The following NEK9 variants were observed in gnomAD, a reference collection of about 807,000 sequenced individuals.
NEK9 encodes NIMA related kinase 9, also known as serine/threonine-protein kinase Nek9.
In NEK9, 75 loss-of-function variants were observed where a neutral mutation model predicts 123.4. The ratio of observed to expected loss-of-function variants is 0.61; its 90% confidence interval spans 0.50 to 0.74. The LOEUF (loss-of-function observed/expected upper bound fraction) is 0.74, where lower values mean the gene tolerates loss of function less well. Ranked by LOEUF, NEK9 falls within the 30% of genes least tolerant of loss-of-function variation. NEK9 has a pLI of 0.00. For missense variants in NEK9, 952 were observed against 1,214.4 expected, an observed-to-expected ratio of 0.78 and a Z score of 3.21; for synonymous variants, 438 against 458.7, an observed-to-expected ratio of 0.95 and a Z score of 0.58.
At chr14:75,105,699 C>T (rs1894747953) in intron 13 of NEK9, among the ~76,000 whole-genome samples, 1 of 152,212 alleles carries the variant, frequency 6.6e-6, no homozygotes. Context: ...CTGATTTTAG[C>T]TGTCATCCCT....
chr14:75,126,300 A>G (rs532056944), intron 1 of NEK9, among the ~76,000 whole-genome samples: 3 of 152,276 alleles, frequency 2.0e-5, no homozygotes, highest in African/African-American at 7.2e-5. Flanking sequence ...ACCTTGGAGA[A>G]CTATATATAC....
At chr14:75,091,571 A>G in intron 18 of NEK9, 93 bp from the exon 19 acceptor site, 1 of 1,117,506 alleles carries the variant, frequency 8.9e-7, no homozygotes, top group East Asian at 2.9e-5. Context: ...AAAGGTGCCT[A>G]TAAGCTGCAT....
chr14:75,121,080 A>G (rs1326925179), intron 3 of NEK9, 39 bp downstream of exon 3: 1 of 1,479,998 alleles, frequency 6.8e-7, no homozygotes, highest in Admixed American at 1.7e-5. Flanking sequence ...GAATTACAAC[A>G]CTACAATTCT....
chr14:75,094,853 T>C (rs1894329101), intron 18 of NEK9, among the ~76,000 whole-genome samples: 1 of 152,030 alleles, frequency 6.6e-6, no homozygotes, highest in Non-Finnish European at 1.5e-5. Context: ...CTCTAGCAGG[T>C]AGAAAACCAA....
chr14:75,106,769 C>T, intron 11 of NEK9, 67 bp from the exon 12 acceptor site: 3 of 1,352,568 alleles, frequency 2.2e-6, no homozygotes, highest in Non-Finnish European at 2.1e-6. Flanking sequence ...GAAAGTTGGG[C>T]AGGGCTGGAA....
intron 12 of NEK9, 105 bp downstream of exon 12, chr14:75,106,397 T>C (rs1352424354): frequency 2.4e-6 from 2 of 817,230 alleles, no homozygotes; most frequent in Admixed American, 4.1e-5. Context: ...ATTTACTGAA[T>C]TAACACTTCT....
In NEK9 at chr14:75,127,004, G is replaced by C; in HGVS notation, c.-83C>G. 2.5e-6 allele frequency: 3 copies of C among 1,186,530 alleles called. No individual in the cohort carries two copies. Among genetic ancestry groups the C allele is most frequent in the Non-Finnish European group, 3.4e-6 (3 of 885,748 alleles). The allele number at this position is 1,186,530 out of a possible 1,614,324, so 73.5% of individuals were successfully genotyped here. ...CTGCGTCCCGCTCGCTTCAGATGCC[G>C]GCCCGCGGATCCGTCAGCCCAGCAA... is the stretch of plus-strand genomic sequence containing the variant. On this transcript the variant is annotated 5_prime_UTR_variant, in exon 1 of 22. Coordinates refer to ENST00000238616, the MANE Select transcript of NEK9 (RefSeq NM_033116.6).
chr14:75,124,179 C>A lies in NEK9; in HGVS notation c.264G>T (p.Leu88=), dbSNP rs562180803. The A allele has an allele frequency of 1.9e-6, 3 of 1,614,082 alleles. No individual in the cohort carries two copies. The highest frequency in any genetic ancestry group is 2.5e-6 in the Non-Finnish European group (3 of 1,179,964). ...AGGCATCACGACGTTCCTTCTCAGA[C>A]AGCCGGGTCAAATCGACTTCCTTCC... ...VVWKEVDLTR[L]SEKERRDALN... is the part of the protein sequence containing the mutation. The change falls in exon 2 of 22, where the codon CTG becomes CTT. Residue 88 remains leucine (L), a synonymous_variant. Coordinates refer to ENST00000238616, the MANE Select transcript of NEK9 (RefSeq NM_033116.6).
At chr14:75,121,089 CT>C in intron 3 of NEK9, 29 bp downstream of exon 3, 2 of 1,562,028 alleles carry the variant, frequency 1.3e-6, no homozygotes. Context: ...CACTACAATT[CT>C]AACTTCCTTC....
At chr14:75,123,610 T>C (rs949745924) in intron 2 of NEK9, among the ~76,000 whole-genome samples, 16 of 152,176 alleles carry the variant, frequency 1.1e-4, no homozygotes, top group East Asian at 1.9e-4. Flanking sequence ...CTTTACTATA[T>C]ATTACTTTCA....
Position 75,084,590 on chromosome 14 carries a change from T to C in NEK9, c.2914A>G (p.Thr972Ala), listed in dbSNP as rs772223303. ...LDSDSWCLLG[T>A]DSCRPSL ...TAGAGGCTGGGTCTACAGGAGTCTGTTCCCAGGAGGCACCAGGAATCTGAA... is the reference window on the plus strand; with the variant it reads ...TAGAGGCTGGGTCTACAGGAGTCTGCTCCCAGGAGGCACCAGGAATCTGAA... Residue 972 changes from threonine (T) to alanine (A), a missense_variant, in exon 22 of 22, where the codon ACA becomes GCA. Physicochemically the swap from Thr to Ala is moderately conservative, Grantham distance 58. Transcript: ENST00000238616. The C allele has an allele frequency of 3.7e-6, 6 of 1,614,060 alleles. No homozygotes were observed. In the African/African-American group the frequency reaches 8.0e-5, roughly 22 times the overall value.
chr14:75,090,321 C>G (rs1407510452), intron 19 of NEK9, among the ~76,000 whole-genome samples: 1 of 150,598 alleles, frequency 6.6e-6, no homozygotes, highest in Admixed American at 6.6e-5. Context: ...TTTCACAAAC[C>G]ATAAATATTT....
intron 9 of NEK9, 44 bp downstream of exon 9, chr14:75,110,277 G>A: frequency 1.4e-6 from 2 of 1,470,720 alleles, no homozygotes; most frequent in Non-Finnish European, 1.9e-6. Context: ...CCCCCTGGTT[G>A]TAATTTCGGA....
In NEK9 at chr14:75,104,923, A is replaced by G. The variant is rs570408836; in HGVS notation, c.1576-926T>C. ...CTTAGGGTGACCTGTCAAAAAGTTGAGAAAGAAGCTTCAATTCATTGCTGA... is the reference window on the plus strand; with the variant it reads ...CTTAGGGTGACCTGTCAAAAAGTTGGGAAAGAAGCTTCAATTCATTGCTGA... On this transcript the variant is annotated intron_variant, in intron 13 of 21. Transcript: ENST00000238616. Among the ~76,000 whole-genome samples, 21 of 152,364 alleles carry G rather than the reference A, an allele frequency of 1.4e-4. No individual in the cohort carries two copies. The East Asian group carries it at 2.7e-3, about 20-fold the overall frequency.
intron 18 of NEK9, 43 bp from the exon 19 acceptor site, chr14:75,091,521 G>C (rs1040563524): frequency 4.1e-6 from 6 of 1,447,884 alleles, no homozygotes; most frequent in East Asian, 2.5e-5. Context: ...TTGCTATGCA[G>C]CAAGACAGAT....
intron 10 of NEK9, among the ~76,000 whole-genome samples, chr14:75,108,209 C>T (rs1237454468): frequency 6.6e-6 from 1 of 151,642 alleles, no homozygotes; most frequent in Non-Finnish European, 1.5e-5. Context: ...ACTGCAAGCT[C>T]TGCCTCCTGG....
At chr14:75,096,135 T>A (rs1488832343) in intron 17 of NEK9, among the ~76,000 whole-genome samples, 1 of 151,680 alleles carries the variant, frequency 6.6e-6, no homozygotes, top group Non-Finnish European at 1.5e-5. Flanking sequence ...ATCCAAAAAT[T>A]AGCCAGGTGT....
At chr14:75,098,412 A>G (rs968940586) in intron 16 of NEK9, among the ~76,000 whole-genome samples, 6 of 152,210 alleles carry the variant, frequency 3.9e-5, no homozygotes. Flanking sequence ...ACTGGGTTAT[A>G]TGGCCCACCC....
rs942778551 is a variant in NEK9 at position 75,081,715 on chromosome 14, T to C, written c.*2849A>G. ...GAGAAGTTGTAACTTGGCTGTGCTA[T>C]GCCAGGGAGACCAAATTCAGTTCAA... On this transcript the variant is annotated 3_prime_UTR_variant, in exon 22 of 22. Coordinates refer to ENST00000238616, the MANE Select transcript of NEK9 (RefSeq NM_033116.6). The surrounding 1 kb of genome is among the most constrained non-coding windows in gnomAD (Gnocchi z 4.2). 1 of 152,214 alleles carries C rather than the reference T, an allele frequency of 6.6e-6. No individual in the cohort carries two copies. The highest frequency in any genetic ancestry group is 2.4e-5 in the African/African-American group (1 of 41,450). 9.4% of individuals were successfully genotyped at this position (152,214 alleles called of 1,614,324 possible). A position where few individuals can be genotyped will look rare whatever the true frequency, so the allele number is the denominator to read the frequency against.
Sources: allele counts gnomAD v4.1 joint callset (sites outside exome capture counted in the v4.1 genomes callset), GRCh38; gene constraint gnomAD v4.1.1; non-coding constraint Gnocchi (gnomAD v3.1); transcripts MANE v1.5; gene names NCBI Gene and HGNC (gene_info 2026-07-23, HGNC 2026-07-21).